RGS22: variants seen among roughly 807,000 people sequenced by gnomAD.
RGS22 encodes regulator of G protein signaling 22.
A neutral mutation model predicts 172.9 loss-of-function variants in RGS22; 148 were observed. The ratio of observed to expected loss-of-function variants is 0.86; its 90% CI spans 0.75 to 0.98. The LOEUF (loss-of-function observed/expected upper bound fraction) is 0.98. Among genes scored for constraint, RGS22 ranks in the 50% least tolerant of loss-of-function variants. The probability of loss-of-function intolerance (pLI) is 0.00; values close to 1 mark genes in which losing one functional copy is unlikely to be tolerated. For missense variants in RGS22, 1,347 were observed against 1,440.8 expected (o/e 0.93, Z 1.05); for synonymous variants, 458 against 480.2 (o/e 0.95, Z 0.60).
chr8:100,040,136 T>C, intron 12 of RGS22, 49 bp from the exon 13 acceptor site: 1 of 1,542,344 alleles, frequency 6.5e-7, no homozygotes, highest in Non-Finnish European at 8.8e-7. Context: ...CATTGTAATT[T>C]TTTTATGGCA....
intron 9 of RGS22, among the ~76,000 whole-genome samples, chr8:100,057,456 C>T (rs907718339): frequency 1.3e-5 from 2 of 152,076 alleles, no homozygotes; most frequent in Non-Finnish European, 2.9e-5. Flanking sequence ...GGCTTTGTGT[C>T]CCCACCCAAA....
chr8:100,058,108 A>G (rs1361112091), intron 9 of RGS22, among the ~76,000 whole-genome samples: 1 of 151,572 alleles, frequency 6.6e-6, no homozygotes, highest in African/African-American at 2.4e-5. Flanking sequence ...TAACAGCATA[A>G]TTGATCAAGA....
intron 2 of RGS22, among the ~76,000 whole-genome samples, chr8:100,101,996 C>A (rs1310081536): frequency 1.3e-5 from 2 of 152,206 alleles, no homozygotes; most frequent in Admixed American, 1.3e-4. Flanking sequence ...CCAGGCCCCT[C>A]TGATCTTATG....
At chr8:99,967,769 C>T (rs538391898) in intron 23 of RGS22, among the ~76,000 whole-genome samples, 1 of 152,324 alleles carries the variant, frequency 6.6e-6, no homozygotes, top group African/African-American at 2.4e-5. Context: ...CTCCCTGGGA[C>T]AGAGCACCTG....
At chr8:99,992,208 T>G (rs1320032867) in intron 20 of RGS22, among the ~76,000 whole-genome samples, 4 of 152,070 alleles carry the variant, frequency 2.6e-5, no homozygotes, top group Non-Finnish European at 4.4e-5. Context: ...CTGGCATCAA[T>G]TAACAGGCAA....
At chr8:100,032,481 T>C (rs1277396815) in intron 14 of RGS22, among the ~76,000 whole-genome samples, 3 of 152,052 alleles carry the variant, frequency 2.0e-5, no homozygotes, top group Non-Finnish European at 2.9e-5. Context: ...CCTAAATATA[T>C]ATGCACCCAA....
intron 6 of RGS22, among the ~76,000 whole-genome samples, chr8:100,068,772 A>C (rs560198947): frequency 1.3e-5 from 2 of 152,172 alleles, no homozygotes; most frequent in East Asian, 3.9e-4. Context: ...TCTCTACAAA[A>C]AATATACAAA....
chr8:99,997,170 A>G (rs757254831), intron 19 of RGS22, among the ~76,000 whole-genome samples: 41 of 152,198 alleles, frequency 2.7e-4, no homozygotes, highest in Middle Eastern at 3.4e-3. Context: ...GTCAACTCTT[A>G]AGTGTGTGAG....
At chr8:100,085,003 TTGGC>T (rs1415650415) in intron 3 of RGS22, among the ~76,000 whole-genome samples, 1 of 152,180 alleles carries the variant, frequency 6.6e-6, no homozygotes, top group African/African-American at 2.4e-5. Context: ...TAAAAGGGAT[TTGGC>T]TAAACTAGAA....
chr8:100,035,172 C>T (rs1162009970), intron 14 of RGS22, among the ~76,000 whole-genome samples: 1 of 152,122 alleles, frequency 6.6e-6, no homozygotes, highest in East Asian at 1.9e-4. Context: ...GAACAGGCAA[C>T]CTACAAAATG....
In RGS22 at chr8:100,041,351, C is replaced by T. The variant is rs1269247673; in HGVS notation, c.1938+451G>A. On this transcript the variant is annotated intron_variant, in intron 12 of 27. Coordinates refer to ENST00000360863, the MANE Select transcript of RGS22 (RefSeq NM_015668.5). ...TAAAAATACAGAAAAGTTAGCCAGG[C>T]GTGGTGGTGTGCGCCTGTAGTCCCA... is the stretch of plus-strand genomic sequence containing the variant. 3.9e-5 allele frequency among the ~76,000 whole-genome samples: 6 copies of T among 151,924 alleles called. No homozygotes were observed. In the East Asian group the frequency reaches 7.7e-4, roughly 19 times the overall value.
intron 14 of RGS22, among the ~76,000 whole-genome samples, chr8:100,019,877 C>CA (rs1439740751): frequency 2.7e-5 from 4 of 148,678 alleles, no homozygotes; most frequent in South Asian, 2.1e-4. Context: ...TCTGCTGTTG[C>CA]AAAAAAAGTA....
chr8:100,069,230 G>A (rs1338515957), intron 6 of RGS22, among the ~76,000 whole-genome samples: 1 of 152,162 alleles, frequency 6.6e-6, no homozygotes, highest in Non-Finnish European at 1.5e-5. Context: ...TTGCAAGTTT[G>A]GAAGTGCCTA....
In RGS22 at chr8:99,982,090, C is replaced by T. The variant is rs960370764; in HGVS notation, c.3207G>A (p.Glu1069=). 6.2e-7 allele frequency: 1 copy of T among 1,612,920 alleles called. No homozygotes were observed. The highest frequency in any genetic ancestry group is 8.5e-7 in the Non-Finnish European group (1 of 1,179,442). The change falls in exon 22 of 28, where the codon GAG becomes GAA. Residue 1069 remains glutamate (E), a synonymous_variant. Transcript: ENST00000360863. ...TTGTAATCTTCTTCTGGATGACAGA[C>T]TCATCACAATGAGAATGGCACAAGT... ...YKDLCHSHCD[E]SVIQKKITTI... is the part of the protein sequence containing the mutation.
At chr8:100,059,832 T>C (rs1044287368) in intron 9 of RGS22, among the ~76,000 whole-genome samples, 5 of 152,188 alleles carry the variant, frequency 3.3e-5, no homozygotes, top group African/African-American at 7.2e-5. Context: ...GAAAAATATA[T>C]GAAAGATACA....
intron 19 of RGS22, among the ~76,000 whole-genome samples, chr8:99,996,746 C>T (rs972256973): frequency 5.3e-5 from 8 of 152,174 alleles, no homozygotes; most frequent in African/African-American, 1.9e-4. Flanking sequence ...AGAGATAATA[C>T]TACCCGATTG....
intron 14 of RGS22, among the ~76,000 whole-genome samples, chr8:100,021,104 T>C (rs1230352680): frequency 6.6e-6 from 1 of 152,174 alleles, no homozygotes; most frequent in East Asian, 1.9e-4. Context: ...TCATGATCAC[T>C]AAAGAAAGAG....
At chr8:100,046,058 A>T (rs2131632900) in intron 11 of RGS22, among the ~76,000 whole-genome samples, 1 of 152,202 alleles carries the variant, frequency 6.6e-6, no homozygotes, top group Admixed American at 6.5e-5. Flanking sequence ...TTGCTATAGC[A>T]CAATCACTGC....
rs1820665909 is a variant in RGS22, at chr8:100,045,875, G to A, written c.1823+1588C>T. ...TGGGGATATATATATATATGAAATAGAGCAATGTATAAGAATATCCACTAT... is the reference window on the plus strand; with the variant it reads ...TGGGGATATATATATATATGAAATAAAGCAATGTATAAGAATATCCACTAT... On this transcript the variant is annotated intron_variant, in intron 11 of 27. Transcript: ENST00000360863. Among the ~76,000 whole-genome samples, 3 of 151,564 alleles carry A rather than the reference G, an allele frequency of 2.0e-5. No individual in the cohort carries two copies. The South Asian group carries it at 6.2e-4, about 32-fold the overall frequency.
Sources: gnomAD v4.1 joint callset for allele counts (sites outside exome capture counted in the v4.1 genomes callset) on GRCh38, gnomAD v4.1.1 for gene constraint, MANE v1.5 for transcripts, NCBI Gene and HGNC (gene_info 2026-07-23, HGNC 2026-07-21) for gene names.